The following AKAP12 variants were observed in gnomAD, a reference collection of about 807,000 sequenced individuals.
AKAP12 encodes A-kinase anchoring protein 12, also known as A-kinase anchor protein 12.
Under a neutral mutation model 79.9 loss-of-function variants are expected in AKAP12, and 32 were observed. The ratio of observed to expected loss-of-function variants is 0.40; its 90% CI spans 0.30 to 0.54. AKAP12 has a LOEUF of 0.54. Ranked by LOEUF, AKAP12 falls within the 20% of genes least tolerant of loss-of-function variation. The probability of loss-of-function intolerance (pLI) is 0.48; values close to 1 mark genes in which losing one functional copy is unlikely to be tolerated. For synonymous variants in AKAP12, 808 were observed against 857.0 expected, an observed-to-expected ratio of 0.94 and a Z score of 1.00; for missense variants, 2,074 against 2,177.0, an observed-to-expected ratio of 0.95 and a Z score of 0.94.
At chr6:151,345,895 A>ATGTGTGTGTGTGTGTG (rs367643775) in intron 3 of AKAP12, among the ~76,000 whole-genome samples, 1 of 128,876 alleles carries the variant, frequency 7.8e-6, no homozygotes, top group Admixed American at 7.9e-5. Context: ...GTGTGTGTAT[A>ATGTGTGTGTGTGTGTG]TGTGTGTGTG....
Position 151,348,697 on chromosome 6 carries a change from C to CCCCCCCTTTTTT in AKAP12, c.320-14_320-13insCCCCCCTTTTTT. 2 of 650,664 alleles carry CCCCCCCTTTTTT rather than the reference C, an allele frequency of 3.1e-6. No homozygotes were observed. Among genetic ancestry groups the CCCCCCCTTTTTT allele is most frequent in the Non-Finnish European group, 2.4e-6 (1 of 420,006 alleles). The allele number at this position is 650,664 out of a possible 1,614,324, so 40.3% of individuals were successfully genotyped here. A position where few individuals can be genotyped will look rare whatever the true frequency, so the allele number is the denominator to read the frequency against. ...TTCTCTTCTCCCCACCCCCCCGCCC[C>CCCCCCCTTTTTT]TTTTTGTTAATAGTTGGACAGAGAG... On this transcript the variant is annotated splice_polypyrimidine_tract_variant and intron_variant, in intron 3 of 4. Transcript: ENST00000402676.
intron 2 of AKAP12, among the ~76,000 whole-genome samples, chr6:151,251,565 C>T (rs1025619143): frequency 1.5e-4 from 23 of 152,188 alleles, no homozygotes; most frequent in Non-Finnish European, 5.9e-5. Flanking sequence ...CTCCAATAGT[C>T]TGACAAGAAC....
At chr6:151,280,974 C>A (rs1218497523) in intron 2 of AKAP12, among the ~76,000 whole-genome samples, 1 of 152,070 alleles carries the variant, frequency 6.6e-6, no homozygotes, top group Non-Finnish European at 1.5e-5. Flanking sequence ...ATGTGTAATT[C>A]TAAAGATATA....
intron 2 of AKAP12, among the ~76,000 whole-genome samples, chr6:151,305,321 A>G (rs766351695): frequency 2.0e-5 from 3 of 152,168 alleles, no homozygotes; most frequent in African/African-American, 7.2e-5. Flanking sequence ...TGTTCAGTCA[A>G]TTATGCTTAA....
In AKAP12 at chr6:151,350,717, C is replaced by G; in HGVS notation, c.2326C>G (p.Leu776Val). Residue 776 changes from leucine to valine, a missense_variant, in exon 4 of 5, where the codon CTG becomes GTG. Physicochemically the swap from Leu to Val is conservative, Grantham distance 32. This residue lies in a region of AKAP12 where 1,428 missense variants were observed against 1,451.0 expected (regional missense o/e 0.98). Transcript: ENST00000402676. This position sits in a 1 kb window ranked among gnomAD's most constrained non-coding sequence, Gnocchi z 4.8. ...VTPRKKSKSK[L>V]EEKSEDSIAG... ...GCCAAGAAAAAAATCAAAGTCCAAGCTGGAAGAGAAAAGCGAAGACTCCAT... is the reference window on the plus strand; with the variant it reads ...GCCAAGAAAAAAATCAAAGTCCAAGGTGGAAGAGAAAAGCGAAGACTCCAT... 6.2e-7 allele frequency: 1 copy of G among 1,613,878 alleles called. No individual in the cohort carries two copies. The highest frequency in any genetic ancestry group is 8.5e-7 in the Non-Finnish European group (1 of 1,179,972).
At position 151,325,086 on chromosome 6, in the gene AKAP12, A is replaced by G. The variant is rs532710679; in HGVS notation, c.319+19183A>G. ...GAAGACAGCACTTGTTAGAAGGAACAAGTTCACTTCTGAGAGCCCTTCTCA... is the reference window on the plus strand; with the variant it reads ...GAAGACAGCACTTGTTAGAAGGAACGAGTTCACTTCTGAGAGCCCTTCTCA... On this transcript the variant is annotated intron_variant, in intron 3 of 4. Transcript: ENST00000402676. The G allele has an allele frequency of 1.5e-5, 15 of 985,474 alleles. No individual in the cohort carries two copies. The African/African-American group carries it at 2.4e-4, about 16-fold the overall frequency. The allele number at this position is 985,474 out of a possible 1,614,324, so 61.0% of individuals were successfully genotyped here.
chr6:151,322,756 T>TGGGTGTGTCCACCACCCACTCCCGCCACC (rs1777429364), intron 3 of AKAP12, among the ~76,000 whole-genome samples: 1 of 151,150 alleles, frequency 6.6e-6, no homozygotes, highest in African/African-American at 2.5e-5. Context: ...CTCCTGCCAC[T>TGGGTGTGTCCACCACCCACTCCCGCCACC]GGGTGTGTGC....
rs79341701 is a variant in AKAP12 at position 151,270,505 on chromosome 6, T to C, written c.162+29781T>C. 7.3e-3 allele frequency among the ~76,000 whole-genome samples: 1,117 copies of C among 152,366 alleles called. 11 individuals are homozygous for C. Among genetic ancestry groups the C allele is most frequent in the Middle Eastern group, 0.017 (5 of 294 alleles). Reference sequence around the variant, plus strand: ...TATTGCTATGAACACTAATGTACAATTCTTTGCCTGAACGTAAATGTTTTC... The same window carrying C: ...TATTGCTATGAACACTAATGTACAACTCTTTGCCTGAACGTAAATGTTTTC... On this transcript the variant is annotated intron_variant, in intron 2 of 4. Coordinates refer to ENST00000402676, the MANE Select transcript of AKAP12 (RefSeq NM_005100.4).
intron 2 of AKAP12, among the ~76,000 whole-genome samples, chr6:151,282,194 A>G (rs1278843405): frequency 6.6e-6 from 1 of 151,794 alleles, no homozygotes; most frequent in Admixed American, 6.6e-5. Context: ...AGCGGGAGGC[A>G]GAGGTTGCAG....
At chr6:151,308,961 A>G (rs145068110) in intron 3 of AKAP12, among the ~76,000 whole-genome samples, 236 of 152,080 alleles carry the variant, frequency 1.6e-3, no homozygotes, top group African/African-American at 5.5e-3. Flanking sequence ...TGCAGTTTCC[A>G]TCTCCCGGGT....
At chr6:151,246,263 A>G (rs1797073686) in intron 2 of AKAP12, among the ~76,000 whole-genome samples, 1 of 152,108 alleles carries the variant, frequency 6.6e-6, no homozygotes, top group African/African-American at 2.4e-5. Flanking sequence ...CTAAAAACAC[A>G]AAAAATTAGC....
In AKAP12 at chr6:151,351,278, G is replaced by A. The variant is rs41289371; in HGVS notation, c.2887G>A (p.Asp963Asn). The change falls in exon 4 of 5, where the codon GAC becomes AAC. Residue 963 changes from aspartate to asparagine, a missense_variant. Coordinates refer to ENST00000402676, the MANE Select transcript of AKAP12 (RefSeq NM_005100.4). This position sits in a 1 kb window ranked among gnomAD's most constrained non-coding sequence, Gnocchi z 4.4. Reference protein sequence around the residue: ...PLPENREARGDTVVSEAELTP... With the variant: ...PLPENREARGNTVVSEAELTP... ...GCCAGAGAACAGAGAGGCCCGGGGC[G>A]ACACGGTCGTTAGTGAGGCGGAATT... 1,550 of 1,614,194 alleles carry A rather than the reference G, an allele frequency of 9.6e-4. 8 individuals are homozygous for A. Among genetic ancestry groups the A allele is most frequent in the Non-Finnish European group, 5.7e-4 (677 of 1,180,018 alleles).
At chr6:151,255,234 C>T (rs1294174) in intron 2 of AKAP12, among the ~76,000 whole-genome samples, 59,502 of 151,394 alleles carry the variant, frequency 0.39, 12,175 homozygotes, top group African/African-American at 0.49. Flanking sequence ...GGCACGATCT[C>T]GGCTCACGGC....
intron 2 of AKAP12, among the ~76,000 whole-genome samples, chr6:151,289,226 A>G (rs1016290703): frequency 1.3e-5 from 2 of 152,232 alleles, no homozygotes; most frequent in Non-Finnish European, 2.9e-5. Context: ...AACACCAGCC[A>G]GCCCTCGAGC....
intron 4 of AKAP12, among the ~76,000 whole-genome samples, chr6:151,355,042 C>T (rs998213335): frequency 6.6e-6 from 1 of 152,154 alleles, no homozygotes; most frequent in African/African-American, 2.4e-5. Context: ...GTCACCCCGA[C>T]TGGAGTGCAG....
intron 3 of AKAP12, among the ~76,000 whole-genome samples, chr6:151,310,296 G>A (rs1386347430): frequency 1.3e-5 from 2 of 152,062 alleles, no homozygotes; most frequent in Admixed American, 1.3e-4. Context: ...ACCCGGAGGC[G>A]GAGGGTGCAG....
chr6:151,247,922 T>G (rs1450147814), intron 2 of AKAP12, among the ~76,000 whole-genome samples: 1 of 152,222 alleles, frequency 6.6e-6, no homozygotes, highest in Non-Finnish European at 1.5e-5. Context: ...GCTTTTTGTC[T>G]TCCCTGTGAT....
chr6:151,349,273 A>C lies in AKAP12; in HGVS notation c.882A>C (p.Ser294=). 1.2e-6 allele frequency: 2 copies of C among 1,613,414 alleles called. No individual in the cohort carries two copies. The highest frequency in any genetic ancestry group is 8.5e-7 in the Non-Finnish European group (1 of 1,179,874). ...GTCCCGTGACCAGTGAAACAGGATC[A>C]ACCTTCAAAAAATTCTTCACTCAAG... The part of the protein sequence containing the change: ...PTSPVTSETG[S]TFKKFFTQGW... Residue 294 remains serine (S), a synonymous_variant, in exon 4 of 5, where the codon TCA becomes TCC. Coordinates refer to ENST00000402676, the MANE Select transcript of AKAP12 (RefSeq NM_005100.4).
chr6:151,315,190 G>A (rs1202472589), intron 3 of AKAP12, among the ~76,000 whole-genome samples: 5 of 152,144 alleles, frequency 3.3e-5, no homozygotes, highest in Non-Finnish European at 5.9e-5. Context: ...CGTTCAGGCT[G>A]TTGTAACAAA....
Sources: allele counts gnomAD v4.1 joint callset (sites outside exome capture counted in the v4.1 genomes callset), GRCh38; gene constraint gnomAD v4.1.1; regional missense constraint gnomAD v4.1.1; non-coding constraint Gnocchi (gnomAD v3.1); transcripts MANE v1.5; gene names NCBI Gene and HGNC (gene_info 2026-07-23, HGNC 2026-07-21).